Variants in GALM observed in about 807,000 individuals in gnomAD.
GALM encodes galactose mutarotase.
A neutral mutation model predicts 37.4 loss-of-function variants in GALM; 43 were observed. That is an observed-to-expected ratio of 1.15 (90% CI 0.90 to 1.48). GALM has a LOEUF of 1.48. GALM is among the 40% of genes most tolerant of loss of function. The pLI is 0.00. For missense variants in GALM, 456 were observed against 419.1 expected, an observed-to-expected ratio of 1.09 and a Z score of -0.77; for synonymous variants, 199 against 170.6, an observed-to-expected ratio of 1.17 and a Z score of -1.30.
At chr2:38,713,246 A>T (rs1666206806) in intron 4 of GALM, among the ~76,000 whole-genome samples, 1 of 152,186 alleles carries the variant, frequency 6.6e-6, no homozygotes, top group South Asian at 2.1e-4. Flanking sequence ...TCCCCTCATG[A>T]AATCATCAAG....
chr2:38,704,343 C>G (rs921748725), intron 4 of GALM, among the ~76,000 whole-genome samples: 2 of 152,030 alleles, frequency 1.3e-5, no homozygotes, highest in Non-Finnish European at 2.9e-5. Flanking sequence ...GGATCACAGG[C>G]ATGCCCCCAT....
At chr2:38,699,577 G>C (rs971203798) in intron 4 of GALM, among the ~76,000 whole-genome samples, 1 of 152,040 alleles carries the variant, frequency 6.6e-6, no homozygotes, top group Non-Finnish European at 1.5e-5. Flanking sequence ...CAGCACTTTG[G>C]GAGGCCGAGG....
Position 38,698,432 on chromosome 2 carries a change from T to G in GALM, c.634+8538T>G, listed in dbSNP as rs942008635. On this transcript the variant is annotated intron_variant, in intron 4 of 6. Transcript: ENST00000272252. Reference sequence around the variant, plus strand: ...TTACCCATGGACCAGGAGCAAAGTTTGCAGGTACACTGTCAGGCTGTGTTT... The same window carrying G: ...TTACCCATGGACCAGGAGCAAAGTTGGCAGGTACACTGTCAGGCTGTGTTT... 2.3e-6 allele frequency: 3 copies of G among 1,301,946 alleles called. No homozygotes were observed. In the South Asian group the frequency reaches 3.7e-5, roughly 16 times the overall value. The allele number at this position is 1,301,946 out of a possible 1,614,324, so 80.6% of individuals were successfully genotyped here. A position where few individuals can be genotyped will look rare whatever the true frequency, so the allele number is the denominator to read the frequency against.
chr2:38,691,724 G>GTTT (rs201178661), intron 4 of GALM, among the ~76,000 whole-genome samples: 20 of 142,300 alleles, frequency 1.4e-4, no homozygotes, highest in African/African-American at 4.4e-4. Flanking sequence ...TATTTCAGTA[G>GTTT]TTTTTTTTTT....
chr2:38,676,205 A>ACATGCCCATTGCACCT, intron 2 of GALM, 139 bp downstream of exon 2: 3 of 777,892 alleles, frequency 3.9e-6, no homozygotes, highest in Non-Finnish European at 6.3e-6. Flanking sequence ...TCAGGGCAGC[A>ACATGCCCATTGCACCT]GGTGCAATGG....
intron 1 of GALM, chr2:38,671,309 C>G (rs975453682): frequency 1.3e-5 from 2 of 152,186 alleles, no homozygotes; most frequent in African/African-American, 2.4e-5. Context: ...GAAGAACTGC[C>G]TGAGACTGGG....
intron 4 of GALM, among the ~76,000 whole-genome samples, chr2:38,723,606 T>C (rs1218399711): frequency 6.6e-6 from 1 of 151,886 alleles, no homozygotes; most frequent in Non-Finnish European, 1.5e-5. Flanking sequence ...CTGGGCAACA[T>C]AGTGAGACCT....
At chr2:38,693,659 T>C (rs2148438195) in intron 4 of GALM, among the ~76,000 whole-genome samples, 1 of 152,294 alleles carries the variant, frequency 6.6e-6, no homozygotes, top group East Asian at 1.9e-4. Flanking sequence ...TAGCTAGTAT[T>C]TCAGGGAGGA....
intron 1 of GALM, among the ~76,000 whole-genome samples, chr2:38,674,370 A>G (rs1665186623): frequency 6.6e-6 from 1 of 151,896 alleles, no homozygotes; most frequent in South Asian, 2.1e-4. Flanking sequence ...TTGTATTTTT[A>G]GTGGAGACGG....
At chr2:38,668,492 A>G (rs1665010792) in intron 1 of GALM, 1 of 152,248 alleles carries the variant, frequency 6.6e-6, no homozygotes, top group Non-Finnish European at 1.5e-5. Context: ...TATGTTAACA[A>G]TAAACTGGTA....
At chr2:38,673,927 A>G (rs1042917197) in intron 1 of GALM, among the ~76,000 whole-genome samples, 1 of 152,070 alleles carries the variant, frequency 6.6e-6, no homozygotes, top group African/African-American at 2.4e-5. Context: ...ATGTACGATT[A>G]TAGTGTGATA....
At chr2:38,731,608 C>T in intron 5 of GALM, 127 bp from the exon 6 acceptor site, 4 of 709,712 alleles carry the variant, frequency 5.6e-6, no homozygotes, top group Non-Finnish European at 9.8e-6. Context: ...CTACCTTCAT[C>T]TCCTCCTTAT....
intron 1 of GALM, among the ~76,000 whole-genome samples, chr2:38,667,003 C>G (rs1490050968): frequency 6.6e-6 from 1 of 152,206 alleles, no homozygotes; most frequent in East Asian, 1.9e-4. Context: ...CATTTGACAA[C>G]TCTATTAATC....
intron 3 of GALM, among the ~76,000 whole-genome samples, chr2:38,683,738 T>C (rs1665457677): frequency 6.6e-6 from 1 of 152,136 alleles, no homozygotes; most frequent in South Asian, 2.1e-4. Flanking sequence ...AGCTAATTTT[T>C]GTATTTTTGG....
rs66613702 is a variant in GALM, at chr2:38,731,396, CAAAA to C, written c.777-319_777-316del. On this transcript the variant is annotated intron_variant, in intron 5 of 6. Coordinates refer to ENST00000272252, the MANE Select transcript of GALM (RefSeq NM_138801.3). ...TGGGCAATAGAGAAAGACTCTATTT[CAAAA>C]AAAAAAAAAAAAAAAAAAAGAATCT... Among the ~76,000 whole-genome samples, 481 of 121,628 alleles carry C rather than the reference CAAAA, an allele frequency of 4.0e-3. 2 individuals are homozygous for C. The highest frequency in any genetic ancestry group is 0.012 in the African/African-American group (377 of 31,518). The allele number at this position is 121,628 out of a possible 152,430, so 79.8% of individuals were successfully genotyped here. A position where few individuals can be genotyped will look rare whatever the true frequency, so the allele number is the denominator to read the frequency against.
At chr2:38,684,663 TG>T (rs1278942827) in intron 3 of GALM, among the ~76,000 whole-genome samples, 3 of 152,098 alleles carry the variant, frequency 2.0e-5, no homozygotes, top group Admixed American at 6.6e-5. Flanking sequence ...AAAAATTAGC[TG>T]GGCGTTGTGG....
At chr2:38,691,603 G>T (rs867095084) in intron 4 of GALM, among the ~76,000 whole-genome samples, 1 of 151,778 alleles carries the variant, frequency 6.6e-6, no homozygotes, top group African/African-American at 2.4e-5. Context: ...AGGATCTCTC[G>T]AGCCCAGGAG....
chr2:38,695,449 A>AGAT (rs1168260946), intron 4 of GALM, among the ~76,000 whole-genome samples: 1 of 152,148 alleles, frequency 6.6e-6, no homozygotes, highest in Non-Finnish European at 1.5e-5. Flanking sequence ...TATCCTGGGG[A>AGAT]GATGCTGGAT....
At chr2:38,682,836 C>G (rs2148430418) in intron 3 of GALM, among the ~76,000 whole-genome samples, 1 of 151,416 alleles carries the variant, frequency 6.6e-6, no homozygotes, top group Non-Finnish European at 1.5e-5. Context: ...GCGGAGGTTG[C>G]AGTGAGCTGA....
Sources: allele counts gnomAD v4.1 joint callset (sites outside exome capture counted in the v4.1 genomes callset), GRCh38; gene constraint gnomAD v4.1.1; transcripts MANE v1.5; gene names NCBI Gene and HGNC (gene_info 2026-07-23, HGNC 2026-07-21).